MARCHF1: variants seen among roughly 807,000 people sequenced by gnomAD.
MARCHF1 encodes the protein E3 ubiquitin-protein ligase MARCHF1.
MARCHF1 carries 40 observed loss-of-function variants against 54.2 expected under a neutral mutation model. The ratio of observed to expected loss-of-function variants is 0.74; its 90% CI spans 0.57 to 0.96. The LOEUF is 0.96. Among genes scored for constraint, MARCHF1 ranks in the 40% least tolerant of loss-of-function variants. The pLI is 0.00. For missense variants in MARCHF1, 586 were observed against 656.5 expected, an observed-to-expected ratio of 0.89 and a Z score of 1.17; for synonymous variants, 236 against 236.3, an observed-to-expected ratio of 1.00 and a Z score of 0.01.
intron 2 of MARCHF1, among the ~76,000 whole-genome samples, chr4:164,060,793 T>C (rs1267013630): frequency 1.3e-5 from 2 of 152,174 alleles, no homozygotes; most frequent in Non-Finnish European, 2.9e-5. Context: ...AATGGACTCT[T>C]ATAAGCAACA....
intron 4 of MARCHF1, among the ~76,000 whole-genome samples, chr4:163,850,893 C>T (rs1749622602): frequency 6.6e-6 from 1 of 152,144 alleles, no homozygotes; most frequent in Non-Finnish European, 1.5e-5. Context: ...AAACAGAATA[C>T]AGAAGTTTCC....
chr4:163,856,558 A>G (rs1015799663), intron 3 of MARCHF1, among the ~76,000 whole-genome samples: 1 of 152,226 alleles, frequency 6.6e-6, no homozygotes, highest in African/African-American at 2.4e-5. Flanking sequence ...TGAAAACAAT[A>G]AAAATGCCTG....
At chr4:164,246,853 A>C (rs538540988) in intron 1 of MARCHF1, among the ~76,000 whole-genome samples, 1 of 130,352 alleles carries the variant, frequency 7.7e-6, no homozygotes, top group Non-Finnish European at 1.6e-5. Flanking sequence ...AAACACATGA[A>C]AAAATGCTCA....
intron 4 of MARCHF1, among the ~76,000 whole-genome samples, chr4:163,808,941 G>A (rs1380621159): frequency 6.6e-6 from 1 of 152,124 alleles, no homozygotes; most frequent in African/African-American, 2.4e-5. Context: ...GTTGTCAGAC[G>A]AGACTGTCTC....
chr4:164,138,580 C>T (rs920220614), intron 1 of MARCHF1, among the ~76,000 whole-genome samples: 12 of 152,128 alleles, frequency 7.9e-5, no homozygotes, highest in African/African-American at 1.4e-4. Context: ...AATTAAGGAA[C>T]GGGTATGGCC....
At chr4:164,039,980 T>G (rs1423103012) in intron 2 of MARCHF1, among the ~76,000 whole-genome samples, 1 of 147,342 alleles carries the variant, frequency 6.8e-6, no homozygotes, top group Non-Finnish European at 1.5e-5. Context: ...TATATATATA[T>G]ATATAAACTA....
chr4:163,972,696 G>A (rs1204103067), intron 3 of MARCHF1, among the ~76,000 whole-genome samples: 4 of 148,336 alleles, frequency 2.7e-5, no homozygotes, highest in Admixed American at 1.4e-4. Flanking sequence ...ACAGGCGCCC[G>A]CCACCATGGC....
At chr4:164,178,585 T>C (rs1197129558) in intron 1 of MARCHF1, among the ~76,000 whole-genome samples, 1 of 152,172 alleles carries the variant, frequency 6.6e-6, no homozygotes, top group African/African-American at 2.4e-5. Flanking sequence ...CCATCAGATC[T>C]AAGGAGCTCA....
intron 1 of MARCHF1, among the ~76,000 whole-genome samples, chr4:164,148,772 T>C (rs1729847078): frequency 6.8e-6 from 1 of 147,578 alleles, no homozygotes; most frequent in African/African-American, 2.5e-5. Flanking sequence ...CTATAAGTAA[T>C]TCTAGAAGGT....
chr4:163,927,323 T>C (rs1262240245), intron 3 of MARCHF1, among the ~76,000 whole-genome samples: 2 of 151,772 alleles, frequency 1.3e-5, no homozygotes, highest in Non-Finnish European at 1.5e-5. Flanking sequence ...GTTTCAATTT[T>C]AAATAAACTG....
intron 2 of MARCHF1, among the ~76,000 whole-genome samples, chr4:163,991,560 T>C (rs1228651879): frequency 6.6e-6 from 1 of 152,198 alleles, no homozygotes; most frequent in Non-Finnish European, 1.5e-5. Context: ...TCATCTTGTA[T>C]AGTAATTAAA....
At chr4:163,909,551 G>A (rs1368947824) in intron 3 of MARCHF1, among the ~76,000 whole-genome samples, 1 of 152,194 alleles carries the variant, frequency 6.6e-6, no homozygotes, top group East Asian at 1.9e-4. Context: ...AGTCGAGTGG[G>A]AGGAGTATGC....
At chr4:164,231,091 G>A (rs960513836) in intron 1 of MARCHF1, among the ~76,000 whole-genome samples, 2 of 152,120 alleles carry the variant, frequency 1.3e-5, no homozygotes, top group African/African-American at 4.8e-5. Flanking sequence ...AAAGTGAGGA[G>A]CGAAAAGAAC....
intron 5 of MARCHF1, among the ~76,000 whole-genome samples, chr4:163,647,208 A>G (rs1339499735): frequency 6.6e-6 from 1 of 152,114 alleles, no homozygotes; most frequent in Non-Finnish European, 1.5e-5. Context: ...TCAAAAGCAT[A>G]TTACACTTGT....
chr4:163,889,556 G>A (rs993844476), intron 3 of MARCHF1, among the ~76,000 whole-genome samples: 2 of 152,066 alleles, frequency 1.3e-5, no homozygotes, highest in African/African-American at 4.8e-5. Context: ...TTACATGGGG[G>A]GAGAAAAGAA....
intron 8 of MARCHF1, among the ~76,000 whole-genome samples, chr4:163,577,487 A>G (rs1262692384): frequency 6.6e-6 from 1 of 151,896 alleles, no homozygotes; most frequent in East Asian, 1.9e-4. Context: ...ATGTAATCTG[A>G]CCTTTTTCTC....
chr4:163,612,514 C>T lies in MARCHF1; in HGVS notation c.767G>A (p.Arg256Lys). The change falls in exon 7 of 10, where the codon AGA becomes AAA. Residue 256 changes from arginine to lysine, a missense_variant. Arg to Lys is a conservative substitution (Grantham distance 26). Transcript: ENST00000514618. Reference protein sequence around the residue: ...SLTQGSSEIKRSSRNHEKSKG... With the variant: ...SLTQGSSEIKKSSRNHEKSKG... Reference sequence around the variant, plus strand: ...GCTCTTCTCATGATTCCTTGAGGATCTCTTAATTTCAGAGGACCCTTGAGT... The same window carrying T: ...GCTCTTCTCATGATTCCTTGAGGATTTCTTAATTTCAGAGGACCCTTGAGT... 1 of 1,535,186 alleles carries T rather than the reference C, an allele frequency of 6.5e-7. No individual in the cohort carries two copies. Among genetic ancestry groups the T allele is most frequent in the Non-Finnish European group, 8.7e-7 (1 of 1,146,462 alleles).
intron 7 of MARCHF1, among the ~76,000 whole-genome samples, chr4:163,604,617 C>A (rs1040913928): frequency 6.6e-6 from 1 of 152,092 alleles, no homozygotes; most frequent in African/African-American, 2.4e-5. Flanking sequence ...CAGTGTCATC[C>A]TTTTGCTTAA....
intron 4 of MARCHF1, among the ~76,000 whole-genome samples, chr4:163,802,842 C>G (rs1207683577): frequency 6.6e-6 from 1 of 152,150 alleles, no homozygotes; most frequent in Non-Finnish European, 1.5e-5. Flanking sequence ...GTGCTTTGTT[C>G]TAATCACAGT....
Sources: allele counts gnomAD v4.1 joint callset (sites outside exome capture counted in the v4.1 genomes callset), GRCh38; gene constraint gnomAD v4.1.1; transcripts MANE v1.5; gene names NCBI Gene and HGNC (gene_info 2026-07-23, HGNC 2026-07-21).